The following OR56A3 variants were observed in gnomAD, a reference collection of about 807,000 sequenced individuals.
The protein encoded by OR56A3 is olfactory receptor 56A3.
Under a neutral mutation model 17.5 loss-of-function variants are expected in OR56A3, and 23 were observed. The observed-to-expected ratio is 1.32, with a 90% CI of 0.95 to 1.87. The LOEUF (loss-of-function observed/expected upper bound fraction) is 1.87, where lower values mean the gene tolerates loss of function less well. OR56A3 is among the 40% of genes most tolerant of loss of function. The probability of loss-of-function intolerance (pLI) is 0.00; values close to 1 mark genes in which losing one functional copy is unlikely to be tolerated. For missense variants in OR56A3, 366 were observed against 380.1 expected (o/e 0.96, Z 0.31); for synonymous variants, 175 against 150.6 (o/e 1.16, Z -1.19).
At chr11:5,997,075 C>T in the OR56A3 span, among the ~76,000 whole-genome samples, 6 of 152,160 alleles carry the variant, frequency 3.9e-5, no homozygotes, top group Non-Finnish European at 7.4e-5. Context: ...CACTGAGTCT[C>T]CTGGTCTACA....
chr11:5,966,368 T>G, the OR56A3 span, among the ~76,000 whole-genome samples: 4 of 152,064 alleles, frequency 2.6e-5, no homozygotes, highest in Non-Finnish European at 5.9e-5. Context: ...AGTAAGACCC[T>G]GTCTCCCTAT....
the OR56A3 span, chr11:5,995,016 C>A: frequency 1.5e-6 from 1 of 655,442 alleles, no homozygotes; most frequent in Non-Finnish European, 2.8e-6. Flanking sequence ...TGGACCAGAA[C>A]ATGGAGATCC....
the OR56A3 span, chr11:5,994,162 T>G: frequency 2.0e-6 from 1 of 510,140 alleles, no homozygotes; most frequent in Admixed American, 2.3e-5. Flanking sequence ...ATTGAGCTGC[T>G]CCATCTGCAG....
chr11:6,017,416 G>C, the OR56A3 span, among the ~76,000 whole-genome samples: 1 of 152,180 alleles, frequency 6.6e-6, no homozygotes, highest in Non-Finnish European at 1.5e-5. Flanking sequence ...AAAATAGCAA[G>C]AGAAAAGCAT....
At chr11:5,954,340 T>C (rs1564801075), downstream of OR56A3, among the ~76,000 whole-genome samples, 1 of 152,196 alleles carries the variant, frequency 6.6e-6, no homozygotes, top group Non-Finnish European at 1.5e-5. Flanking sequence ...GCTCAGATCT[T>C]ATCCCACAAT....
At chr11:5,957,845 A>C in the OR56A3 span, among the ~76,000 whole-genome samples, 2 of 152,196 alleles carry the variant, frequency 1.3e-5, no homozygotes, top group Non-Finnish European at 2.9e-5. Context: ...TTGGATATCT[A>C]TTTAGCAAAG....
chr11:5,988,029 G>T, the OR56A3 span, among the ~76,000 whole-genome samples: 2 of 152,008 alleles, frequency 1.3e-5, no homozygotes, highest in African/African-American at 2.4e-5. Flanking sequence ...CATTACTTTT[G>T]TCTTACAGTT....
At chr11:6,010,817 A>G in the OR56A3 span, among the ~76,000 whole-genome samples, 1 of 149,766 alleles carries the variant, frequency 6.7e-6, no homozygotes, top group South Asian at 2.1e-4. Context: ...CAAGACAGAA[A>G]TGTGTGTGTG....
At chr11:5,943,531 AAC>A (rs1847851868) in intron 1 of OR56A3, 2 of 149,366 alleles carry the variant, frequency 1.3e-5, no homozygotes, top group African/African-American at 2.5e-5. Flanking sequence ...AAAAAAAAAA[AAC>A]CACCTTATTT....
At chr11:5,958,116 G>A in the OR56A3 span, among the ~76,000 whole-genome samples, 1 of 152,162 alleles carries the variant, frequency 6.6e-6, no homozygotes, top group African/African-American at 2.4e-5. Flanking sequence ...CTCAATGGTT[G>A]ATTTGAGATC....
the OR56A3 span, among the ~76,000 whole-genome samples, chr11:5,979,006 G>A: frequency 6.6e-6 from 1 of 152,012 alleles, no homozygotes; most frequent in Non-Finnish European, 1.5e-5. Flanking sequence ...TTTGTGAGAT[G>A]AACCCCATTT....
At chr11:6,010,861 G>A in the OR56A3 span, among the ~76,000 whole-genome samples, 1 of 151,232 alleles carries the variant, frequency 6.6e-6, no homozygotes, top group East Asian at 1.9e-4. Flanking sequence ...GCACGTGAAT[G>A]TGTGAGTGGT....
the OR56A3 span, among the ~76,000 whole-genome samples, chr11:5,964,918 G>T: frequency 2.0e-5 from 3 of 152,032 alleles, no homozygotes; most frequent in African/African-American, 4.8e-5. Context: ...AACGTGTAAG[G>T]TAAAATTGTC....
At chr11:5,979,652 C>T in the OR56A3 span, among the ~76,000 whole-genome samples, 2 of 151,726 alleles carry the variant, frequency 1.3e-5, no homozygotes, top group East Asian at 1.9e-4. Flanking sequence ...CAAAGAAAAA[C>T]GTTTTGGTTT....
the OR56A3 span, among the ~76,000 whole-genome samples, chr11:5,956,561 GT>G: frequency 6.6e-6 from 1 of 152,134 alleles, no homozygotes; most frequent in East Asian, 1.9e-4. Flanking sequence ...CTTTAAATAG[GT>G]GTTTCACAGA....
chr11:5,994,808 C>G, the OR56A3 span: 1 of 754,754 alleles, frequency 1.3e-6, no homozygotes, highest in South Asian at 1.3e-5. Context: ...GGGTCCCTTC[C>G]TCTCCAGGTG....
At chr11:5,997,354 C>G in the OR56A3 span, among the ~76,000 whole-genome samples, 1 of 152,168 alleles carries the variant, frequency 6.6e-6, no homozygotes, top group African/African-American at 2.4e-5. Context: ...TTTCCTAGTT[C>G]CAAAGCAGAC....
chr11:5,971,102 G>A, the OR56A3 span, among the ~76,000 whole-genome samples: 1 of 152,160 alleles, frequency 6.6e-6, no homozygotes, highest in Admixed American at 6.5e-5. Context: ...GGGAAGCTTG[G>A]GGAATCTTAA....
the OR56A3 span, chr11:5,986,663 C>G: frequency 3.1e-6 from 5 of 1,613,918 alleles, no homozygotes; most frequent in Non-Finnish European, 4.2e-6. Context: ...GAGGCCAGAA[C>G]CAGGTCGATG....
Sources: allele counts gnomAD v4.1 joint callset (sites outside exome capture counted in the v4.1 genomes callset), GRCh38; gene constraint gnomAD v4.1.1; transcripts MANE v1.5; gene names NCBI Gene and HGNC (gene_info 2026-07-23, HGNC 2026-07-21).